Variants in SRPK2 observed in about 807,000 individuals in gnomAD.
The protein encoded by SRPK2 is SFRS protein kinase 2.
SRPK2 carries 21 observed loss-of-function variants against 90.8 expected under a neutral mutation model. That is an observed-to-expected ratio of 0.23 (90% CI 0.16 to 0.33). SRPK2 has a LOEUF of 0.33. Among genes scored for constraint, SRPK2 ranks in the 10% least tolerant of loss-of-function variants. The pLI is 1.00. For missense variants in SRPK2, 620 were observed against 869.0 expected, an observed-to-expected ratio of 0.71 and a Z score of 3.60; for synonymous variants, 288 against 311.1, an observed-to-expected ratio of 0.93 and a Z score of 0.78.
At chr7:105,142,625 G>T in intron 10 of SRPK2, 135 bp from the exon 11 acceptor site, 1 of 1,220,868 alleles carries the variant, frequency 8.2e-7, no homozygotes, top group South Asian at 1.8e-5. Context: ...TTGGCTTTTG[G>T]GGTAAAACCT....
At chr7:105,390,073 A>G (rs998086363), upstream of SRPK2, among the ~76,000 whole-genome samples, 2 of 152,156 alleles carry the variant, frequency 1.3e-5, no homozygotes, top group African/African-American at 2.4e-5. Flanking sequence ...TTTGCTATCT[A>G]TGTGTCTGTG....
In SRPK2 at chr7:105,215,617, G is replaced by A. The variant is rs763638907; in HGVS notation, c.72-11832C>T. Among the ~76,000 whole-genome samples the A allele has an allele frequency of 9.2e-5, 14 of 152,238 alleles. No homozygotes were observed. The South Asian group carries it at 1.2e-3, about 14-fold the overall frequency. ...AACTGATGAATGGATAAATTAAAAT[G>A]TGGTATATCCAATACAACAGACTAT... On this transcript the variant is annotated intron_variant, in intron 2 of 15. Transcript: ENST00000393651.
At chr7:105,389,062 C>A (rs1822035130), upstream of SRPK2, 1 of 970,400 alleles carries the variant, frequency 1.0e-6, no homozygotes. Context: ...CGCCCCCGCC[C>A]CACCCACCTG....
At chr7:105,356,037 G>T (rs1017451847) in intron 2 of SRPK2, among the ~76,000 whole-genome samples, 1 of 152,048 alleles carries the variant, frequency 6.6e-6, no homozygotes, top group African/African-American at 2.4e-5. Flanking sequence ...GACACAGTGA[G>T]ACTCTAAAAT....
In SRPK2 at chr7:105,233,149, A is replaced by AAGGAAGGAAGGAAGGG. The variant is rs1175923030; in HGVS notation, c.72-29365_72-29364insCCCTTCCTTCCTTCCT. On this transcript the variant is annotated intron_variant, in intron 2 of 15. Transcript: ENST00000393651. ...GAAGGAAGGAAGGAAGGAAGGAAGGAAGGGGAAAGGGAAGGAAGGAGTTTA... is the reference window on the plus strand; with the variant it reads ...GAAGGAAGGAAGGAAGGAAGGAAGGAAGGAAGGAAGGAAGGGAGGGGAAAGGGAAGGAAGGAGTTTA... Among the ~76,000 whole-genome samples the AAGGAAGGAAGGAAGGG allele has an allele frequency of 6.9e-4, 101 of 147,410 alleles. 1 individual carries two copies. Among genetic ancestry groups the AAGGAAGGAAGGAAGGG allele is most frequent in the African/African-American group, 2.5e-3 (98 of 39,734 alleles).
At chr7:105,206,177 T>C (rs1585173870) in intron 2 of SRPK2, among the ~76,000 whole-genome samples, 1 of 145,902 alleles carries the variant, frequency 6.9e-6, no homozygotes, top group Non-Finnish European at 1.5e-5. Context: ...GCTGTGGCCA[T>C]CAAAAATGCG....
At chr7:105,241,171 T>C (rs767066054) in intron 2 of SRPK2, among the ~76,000 whole-genome samples, 34 of 152,202 alleles carry the variant, frequency 2.2e-4, no homozygotes, top group Non-Finnish European at 3.8e-4. Context: ...TGGTGACATA[T>C]TGAGGTATAT....
chr7:105,364,606 G>A (rs1163257793), intron 2 of SRPK2, among the ~76,000 whole-genome samples: 2 of 151,958 alleles, frequency 1.3e-5, no homozygotes, highest in African/African-American at 2.4e-5. Context: ...GTTTCACTAT[G>A]TTGGCCAGGC....
intron 3 of SRPK2, among the ~76,000 whole-genome samples, chr7:105,182,723 C>T (rs1205761307): frequency 6.6e-6 from 1 of 152,200 alleles, no homozygotes; most frequent in African/African-American, 2.4e-5. Context: ...CTGCCTTGGC[C>T]TCCCAAAGTG....
At chr7:105,188,915 T>A (rs921147451) in intron 3 of SRPK2, among the ~76,000 whole-genome samples, 2 of 152,192 alleles carry the variant, frequency 1.3e-5, no homozygotes, top group Non-Finnish European at 2.9e-5. Flanking sequence ...GCAAGAGTGT[T>A]CCAGCTTTTA....
intron 2 of SRPK2, among the ~76,000 whole-genome samples, chr7:105,216,926 A>G: frequency 6.6e-6 from 1 of 152,222 alleles, no homozygotes; most frequent in Non-Finnish European, 1.5e-5. Flanking sequence ...GAGATGACAC[A>G]TAAATCCCCT....
At position 105,325,504 on chromosome 7, in the gene SRPK2, AT is replaced by A. The variant is rs1366478153; in HGVS notation, c.71+63143del. Reference sequence around the variant, plus strand: ...AAGTCTTCAAAAAAAAAAAAAAAAAATGATGTCCATTATTTAATGGCATCAT... The same window carrying A: ...AAGTCTTCAAAAAAAAAAAAAAAAAAGATGTCCATTATTTAATGGCATCAT... On this transcript the variant is annotated intron_variant, in intron 2 of 15. Coordinates refer to ENST00000393651, the MANE Select transcript of SRPK2 (RefSeq NM_182692.3). Among the ~76,000 whole-genome samples, 249 of 149,316 alleles carry A rather than the reference AT, an allele frequency of 1.7e-3. 2 individuals are homozygous for A. Among genetic ancestry groups the A allele is most frequent in the Middle Eastern group, 0.014 (4 of 286 alleles).
chr7:105,266,132 C>A (rs990658135), intron 2 of SRPK2, among the ~76,000 whole-genome samples: 1 of 152,034 alleles, frequency 6.6e-6, no homozygotes, highest in African/African-American at 2.4e-5. Context: ...ATTAGGATAA[C>A]GTATTTCCCA....
At chr7:105,217,684 C>T (rs149776172) in intron 2 of SRPK2, among the ~76,000 whole-genome samples, 1 of 152,168 alleles carries the variant, frequency 6.6e-6, no homozygotes, top group Non-Finnish European at 1.5e-5. Flanking sequence ...AGAGAATATT[C>T]CTTATTTACT....
chr7:105,297,574 C>G (rs1437886635), intron 2 of SRPK2: 5 of 838,378 alleles, frequency 6.0e-6, no homozygotes, highest in Admixed American at 6.2e-5. Context: ...TTTAGACATA[C>G]AGAAGGTCCA....
At chr7:105,394,174 A>G (rs180851282), upstream of SRPK2, among the ~76,000 whole-genome samples, 703 of 142,662 alleles carry the variant, frequency 4.9e-3, 11 homozygotes, top group East Asian at 0.056. Context: ...ACGGAGCCTC[A>G]TTCTGTCGCC....
chr7:105,133,969 A>T (rs535486501), intron 11 of SRPK2, among the ~76,000 whole-genome samples: 20 of 152,328 alleles, frequency 1.3e-4, no homozygotes, highest in Non-Finnish European at 2.9e-5. Flanking sequence ...ACAAACAAAA[A>T]TAATCTGGTG....
chr7:105,307,262 T>C (rs1383553677), intron 2 of SRPK2, among the ~76,000 whole-genome samples: 5 of 152,192 alleles, frequency 3.3e-5, no homozygotes, highest in African/African-American at 9.6e-5. Context: ...CTGTGGTGGA[T>C]ACAAAGAGGC....
At chr7:105,189,033 C>T (rs1172484541) in intron 3 of SRPK2, among the ~76,000 whole-genome samples, 3 of 152,142 alleles carry the variant, frequency 2.0e-5, no homozygotes, top group Admixed American at 6.5e-5. Context: ...TGTTAATTGT[C>T]GACACTTTCT....
Sources: allele counts gnomAD v4.1 joint callset (sites outside exome capture counted in the v4.1 genomes callset), GRCh38; gene constraint gnomAD v4.1.1; transcripts MANE v1.5; gene names NCBI Gene and HGNC (gene_info 2026-07-23, HGNC 2026-07-21).